ADAMTS19: variants seen among roughly 807,000 people sequenced by gnomAD.
ADAMTS19 encodes the protein ADAM metallopeptidase with thrombospondin type 1 motif 19.
In ADAMTS19, 93 loss-of-function variants were observed where a neutral mutation model predicts 153.3. The observed-to-expected ratio is 0.61, with a 90% confidence interval of 0.51 to 0.72. The LOEUF (loss-of-function observed/expected upper bound fraction) is 0.72. ADAMTS19 is among the 30% of genes least tolerant of loss of function. The pLI is 0.00. For missense variants in ADAMTS19, 1,482 were observed against 1,552.1 expected (o/e 0.95, Z 0.76); for synonymous variants, 600 against 556.6 (o/e 1.08, Z -1.10).
rs763439917 is a variant in ADAMTS19, at chr5:129,620,625, A to G, written c.1486A>G (p.Ile496Val). 100 of 1,599,308 alleles carry G rather than the reference A, an allele frequency of 6.3e-5. No individual in the cohort carries two copies. The highest frequency in any genetic ancestry group is 7.9e-5 in the Non-Finnish European group (93 of 1,172,686). ...TATTATATTCCAAATCAGCATGGGCATTAACCATGACAATGACCACCCATC... is the reference window on the plus strand; with the variant it reads ...TATTATATTCCAAATCAGCATGGGCGTTAACCATGACAATGACCACCCATC... ...IAHEMGHNMG[I>V]NHDNDHPSCA... The change falls in exon 9 of 23, where the codon ATT (isoleucine) becomes GTT (valine). Residue 496 changes from isoleucine to valine, a missense_variant. Physicochemically the swap from Ile to Val is conservative, Grantham distance 29. Around this residue, in one of 2 missense-constraint regions of ADAMTS19, gnomAD observed 866 missense variants for 827.7 expected, o/e 1.05. Transcript: ENST00000274487.
At chr5:129,714,358 G>T (rs1035089903) in intron 21 of ADAMTS19, among the ~76,000 whole-genome samples, 36 of 147,322 alleles carry the variant, frequency 2.4e-4, no homozygotes, top group African/African-American at 9.1e-4. Context: ...AGCGGAGCTT[G>T]CAGTGAGCCG....
At chr5:129,573,673 C>G (rs775683482) in intron 7 of ADAMTS19, among the ~76,000 whole-genome samples, 3 of 152,068 alleles carry the variant, frequency 2.0e-5, no homozygotes, top group Non-Finnish European at 2.9e-5. Flanking sequence ...TTATTAGGCA[C>G]TGGCCAAAAC....
chr5:129,737,445 G>A lies in ADAMTS19; in HGVS notation c.*227G>A, dbSNP rs191421954. The A allele has an allele frequency of 4.1e-4, 126 of 305,424 alleles. No homozygotes were observed. The Middle Eastern group carries it at 4.9e-3, about 12-fold the overall frequency. 18.9% of individuals were successfully genotyped at this position (305,424 alleles called of 1,614,324 possible). A position where few individuals can be genotyped will look rare whatever the true frequency, so the allele number is the denominator to read the frequency against. ...TAATTTTATATGAATGAATTAGTTG[G>A]ATCCAGTAATATAATAAAAAGAAAA... On this transcript the variant is annotated 3_prime_UTR_variant, in exon 23 of 23. Coordinates refer to ENST00000274487, the MANE Select transcript of ADAMTS19 (RefSeq NM_133638.6).
At chr5:129,499,030 TTAAA>T (rs1304900914) in intron 2 of ADAMTS19, among the ~76,000 whole-genome samples, 2 of 152,010 alleles carry the variant, frequency 1.3e-5, no homozygotes, top group African/African-American at 4.8e-5. Context: ...ATAATGAACA[TTAAA>T]TAATCATCAG....
At chr5:129,645,510 G>A (rs948943591) in intron 11 of ADAMTS19, among the ~76,000 whole-genome samples, 5 of 152,166 alleles carry the variant, frequency 3.3e-5, no homozygotes, top group Admixed American at 1.3e-4. Flanking sequence ...CTATGCTGTA[G>A]TACTTTCTTC....
chr5:129,519,941 A>G (rs770574689), intron 3 of ADAMTS19, among the ~76,000 whole-genome samples: 11 of 152,106 alleles, frequency 7.2e-5, no homozygotes, highest in Non-Finnish European at 1.5e-4. Flanking sequence ...CAACCTGAAT[A>G]TGGTAAGTAG....
chr5:129,509,485 T>G (rs1467344866), intron 3 of ADAMTS19, among the ~76,000 whole-genome samples: 1 of 151,982 alleles, frequency 6.6e-6, no homozygotes, highest in Non-Finnish European at 1.5e-5. Flanking sequence ...TCCTATACTT[T>G]TCTTGAATTG....
At chr5:129,556,999 T>G (rs1213401089) in intron 7 of ADAMTS19, among the ~76,000 whole-genome samples, 1 of 152,126 alleles carries the variant, frequency 6.6e-6, no homozygotes, top group Admixed American at 6.5e-5. Flanking sequence ...CCAGAACACT[T>G]TCTAAGTTAA....
At chr5:129,489,717 T>C (rs1370108273) in intron 2 of ADAMTS19, among the ~76,000 whole-genome samples, 1 of 152,114 alleles carries the variant, frequency 6.6e-6, no homozygotes, top group African/African-American at 2.4e-5. Flanking sequence ...TGGGCTCTCT[T>C]AAATTAAGAG....
chr5:129,527,339 C>T (rs17701178), intron 4 of ADAMTS19, among the ~76,000 whole-genome samples: 13,778 of 149,044 alleles, frequency 0.092, 880 homozygotes, highest in East Asian at 0.37. Flanking sequence ...TTTTTACTAT[C>T]TTTGCTATCA....
Position 129,528,548 on chromosome 5 carries a change from A to T in ADAMTS19, c.1199A>T (p.Glu400Val). ...PPELYIGHHG[E>V]KMLESFCKWQ... ...GAACTATATATTGGGCATCATGGAG[A>T]AAAAATGCTAGAGAGTTTTTGTAAG... is the stretch of plus-strand genomic sequence containing the variant. Residue 400 changes from glutamate (E) to valine (V), a missense_variant, in exon 6 of 23, where the codon GAA (glutamate) becomes GTA (valine). Physicochemically the swap from Glu to Val is moderately radical, Grantham distance 121. This residue lies in a region of ADAMTS19 where 866 missense variants were observed against 827.7 expected (regional missense o/e 1.05). Transcript: ENST00000274487. 2.5e-6 allele frequency: 4 copies of T among 1,601,468 alleles called. No individual in the cohort carries two copies. Among genetic ancestry groups the T allele is most frequent in the Non-Finnish European group, 3.4e-6 (4 of 1,174,784 alleles).
intron 3 of ADAMTS19, among the ~76,000 whole-genome samples, chr5:129,520,555 C>T (rs1468103085): frequency 2.0e-5 from 3 of 151,948 alleles, no homozygotes; most frequent in African/African-American, 7.3e-5. Flanking sequence ...TTGTAAACAC[C>T]TTGAGGAAGA....
chr5:129,635,994 T>C lies in ADAMTS19; in HGVS notation c.1771-5865T>C, dbSNP rs187671015. 1.8e-3 allele frequency among the ~76,000 whole-genome samples: 269 copies of C among 152,224 alleles called. 1 individual carries two copies. The highest frequency in any genetic ancestry group is 2.6e-3 in the Admixed American group (40 of 15,286). On this transcript the variant is annotated intron_variant, in intron 10 of 22. Transcript: ENST00000274487. ...TTACTGCAACCTCCAGCTCCCAGGTTCAAGCAATTCTCTTTCCCCAGCCTC... is the reference window on the plus strand; with the variant it reads ...TTACTGCAACCTCCAGCTCCCAGGTCCAAGCAATTCTCTTTCCCCAGCCTC...
rs187988866 is a variant in ADAMTS19 at position 129,528,867 on chromosome 5, T to C, written c.1328+190T>C. Among the ~76,000 whole-genome samples the C allele has an allele frequency of 1.6e-4, 24 of 152,238 alleles. No individual in the cohort carries two copies. The East Asian group carries it at 4.6e-3, about 29-fold the overall frequency. The stretch of plus-strand genomic sequence containing the variant: ...GTAAACAGCTAAATATTGGATGGCA[T>C]ATTGACAAAAAATTTGGTTAGTTAA... On this transcript the variant is annotated intron_variant, in intron 6 of 22. Coordinates refer to ENST00000274487, the MANE Select transcript of ADAMTS19 (RefSeq NM_133638.6).
At chr5:129,701,252 A>G (rs1433352251) in intron 19 of ADAMTS19, 136 bp from the exon 20 acceptor site, 3 of 926,662 alleles carry the variant, frequency 3.2e-6, no homozygotes, top group Non-Finnish European at 5.0e-6. Flanking sequence ...GCCACATGGA[A>G]CTGTGTCAAT....
intron 2 of ADAMTS19, among the ~76,000 whole-genome samples, chr5:129,492,506 AGTGTGTGTGTGT>A (rs148015134): frequency 6.8e-6 from 1 of 146,352 alleles, no homozygotes; most frequent in Non-Finnish European, 1.5e-5. Flanking sequence ...ATTAAAGGTC[AGTGTGTGTGTGT>A]GTGTGTGTGT....
At chr5:129,703,273 T>C (rs1755995034) in intron 20 of ADAMTS19, among the ~76,000 whole-genome samples, 1 of 151,530 alleles carries the variant, frequency 6.6e-6, no homozygotes, top group African/African-American at 2.4e-5. Flanking sequence ...AGAGAAGAGA[T>C]TGCACCTAGA....
intron 2 of ADAMTS19, among the ~76,000 whole-genome samples, chr5:129,496,296 G>T (rs961329917): frequency 4.6e-5 from 7 of 152,028 alleles, no homozygotes; most frequent in African/African-American, 1.7e-4. Context: ...TTACTGTAAA[G>T]ATATTTAAGA....
chr5:129,595,907 T>A (rs1247573440), intron 7 of ADAMTS19, among the ~76,000 whole-genome samples: 2 of 151,980 alleles, frequency 1.3e-5, no homozygotes, highest in African/African-American at 4.8e-5. Flanking sequence ...ATATTGCCAT[T>A]TTTACTGATA....
Sources: gnomAD v4.1 joint callset for allele counts (sites outside exome capture counted in the v4.1 genomes callset) on GRCh38, gnomAD v4.1.1 for gene constraint, gnomAD v4.1.1 regional missense constraint, MANE v1.5 for transcripts, NCBI Gene and HGNC (gene_info 2026-07-23, HGNC 2026-07-21) for gene names.